Variants in CTNNA3 observed in about 807,000 individuals in gnomAD.
CTNNA3 encodes catenin alpha-3.
In CTNNA3, 76 loss-of-function variants were observed where a neutral mutation model predicts 95.7. That is an observed-to-expected ratio of 0.79 (90% CI 0.66 to 0.96). CTNNA3 has a LOEUF of 0.96. CTNNA3 is among the 40% of genes least tolerant of loss of function. The probability of loss-of-function intolerance (pLI) is 0.00; values close to 1 mark genes in which losing one functional copy is unlikely to be tolerated. For synonymous variants in CTNNA3, 431 were observed against 374.4 expected, an observed-to-expected ratio of 1.15 and a Z score of -1.74; for missense variants, 1,191 against 1,089.8, an observed-to-expected ratio of 1.09 and a Z score of -1.31.
At chr10:66,288,151 A>T (rs2132182320) in intron 12 of CTNNA3, among the ~76,000 whole-genome samples, 1 of 152,236 alleles carries the variant, frequency 6.6e-6, no homozygotes, top group East Asian at 1.9e-4. Flanking sequence ...TTTGTGCAAG[A>T]ATGAAGGAGA....
intron 5 of CTNNA3, among the ~76,000 whole-genome samples, chr10:67,262,073 G>C (rs1335568984): frequency 6.6e-6 from 1 of 151,786 alleles, no homozygotes; most frequent in Non-Finnish European, 1.5e-5. Flanking sequence ...AATATAAATT[G>C]CTCAATCTCA....
chr10:67,071,598 G>GT (rs1261450012), intron 7 of CTNNA3, among the ~76,000 whole-genome samples: 4 of 151,236 alleles, frequency 2.6e-5, no homozygotes, highest in Non-Finnish European at 5.9e-5. Flanking sequence ...TGTTTTTATT[G>GT]TATTTATCCT....
chr10:66,068,146 T>C (rs1371343905), intron 15 of CTNNA3, among the ~76,000 whole-genome samples: 3 of 152,140 alleles, frequency 2.0e-5, no homozygotes, highest in Admixed American at 1.3e-4. Context: ...AAAATACATC[T>C]TATTCTAACT....
chr10:66,684,577 T>C (rs1847181112), intron 9 of CTNNA3, among the ~76,000 whole-genome samples: 1 of 152,148 alleles, frequency 6.6e-6, no homozygotes, highest in Non-Finnish European at 1.5e-5. Context: ...TAATTAACAT[T>C]TAACTGCTTT....
At chr10:67,035,668 T>A (rs1056442406) in intron 7 of CTNNA3, among the ~76,000 whole-genome samples, 1 of 152,292 alleles carries the variant, frequency 6.6e-6, no homozygotes, top group Non-Finnish European at 1.5e-5. Context: ...CCTCCCTCAG[T>A]ACTCAAAATT....
At chr10:66,530,998 G>A (rs989851461) in intron 10 of CTNNA3, among the ~76,000 whole-genome samples, 39 of 152,072 alleles carry the variant, frequency 2.6e-4, no homozygotes, top group African/African-American at 2.4e-5. Context: ...TTTCGGTTAT[G>A]GAAAATGTAA....
chr10:65,927,455 G>A (rs566144683), intron 17 of CTNNA3, among the ~76,000 whole-genome samples: 8 of 152,144 alleles, frequency 5.3e-5, no homozygotes, highest in Non-Finnish European at 1.0e-4. Context: ...TATCAGTCAA[G>A]ATCCTTCCCA....
At chr10:67,232,127 C>G (rs1298016501) in intron 5 of CTNNA3, among the ~76,000 whole-genome samples, 1 of 152,030 alleles carries the variant, frequency 6.6e-6, no homozygotes, top group Non-Finnish European at 1.5e-5. Flanking sequence ...TCTAGCAAGG[C>G]AGGCCAACAT....
chr10:66,466,373 C>CACAA (rs1222364133), intron 11 of CTNNA3, among the ~76,000 whole-genome samples: 1 of 150,734 alleles, frequency 6.6e-6, no homozygotes, highest in Non-Finnish European at 1.5e-5. Context: ...CACACACACA[C>CACAA]AATCTATTGG....
At chr10:66,767,263 T>C (rs957394215) in intron 8 of CTNNA3, among the ~76,000 whole-genome samples, 2 of 151,888 alleles carry the variant, frequency 1.3e-5, no homozygotes, top group Non-Finnish European at 2.9e-5. Context: ...CTGGCCAACA[T>C]GGTAAAACCC....
intron 15 of CTNNA3, among the ~76,000 whole-genome samples, chr10:66,037,253 G>A (rs1414229929): frequency 3.3e-5 from 5 of 152,132 alleles, no homozygotes; most frequent in African/African-American, 4.8e-5. Flanking sequence ...CTGCTTTAGA[G>A]CATTTTGCCC....
chr10:66,131,444 A>G (rs1006482282), intron 13 of CTNNA3, among the ~76,000 whole-genome samples: 1 of 152,212 alleles, frequency 6.6e-6, no homozygotes, highest in African/African-American at 2.4e-5. Context: ...TAATGAAGAA[A>G]ACATTCCATG....
chr10:66,695,916 AG>A lies in CTNNA3; in HGVS notation c.1281+70347del, dbSNP rs34200783. 2.0e-4 allele frequency among the ~76,000 whole-genome samples: 24 copies of A among 119,362 alleles called. No individual in the cohort carries two copies. In the East Asian group the frequency reaches 2.3e-3, roughly 11 times the overall value. The allele number at this position is 119,362 out of a possible 152,430, so 78.3% of individuals were successfully genotyped here. A position where few individuals can be genotyped will look rare whatever the true frequency, so the allele number is the denominator to read the frequency against. On this transcript the variant is annotated intron_variant, in intron 9 of 17. Coordinates refer to ENST00000433211, the MANE Select transcript of CTNNA3 (RefSeq NM_013266.4). ...CTAAAAATTGGGTGAAAGAGACGTAAGGGGGGGGGGCAATAAAAATGTATTT... is the reference window on the plus strand; with the variant it reads ...CTAAAAATTGGGTGAAAGAGACGTAAGGGGGGGGGCAATAAAAATGTATTT...
intron 6 of CTNNA3, among the ~76,000 whole-genome samples, chr10:67,183,970 G>A (rs1862710847): frequency 6.6e-6 from 1 of 151,964 alleles, no homozygotes; most frequent in African/African-American, 2.4e-5. Flanking sequence ...GAAACAAAAA[G>A]GAGTCAGAAG....
chr10:66,750,016 T>C (rs1839068380), intron 9 of CTNNA3, among the ~76,000 whole-genome samples: 1 of 152,204 alleles, frequency 6.6e-6, no homozygotes, highest in African/African-American at 2.4e-5. Flanking sequence ...ATATCTTCTT[T>C]GGTTAGAGAT....
At chr10:66,225,012 C>CA (rs1186067910) in intron 13 of CTNNA3, among the ~76,000 whole-genome samples, 2 of 151,948 alleles carry the variant, frequency 1.3e-5, no homozygotes, top group Non-Finnish European at 2.9e-5. Context: ...TTTATGACCT[C>CA]AAAAATTTAT....
intron 5 of CTNNA3, among the ~76,000 whole-genome samples, chr10:67,497,129 G>A (rs1284608783): frequency 6.6e-6 from 1 of 151,940 alleles, no homozygotes; most frequent in South Asian, 2.1e-4. Flanking sequence ...TCCCCTCCCT[G>A]TGCCCATGTA....
intron 12 of CTNNA3, among the ~76,000 whole-genome samples, chr10:66,288,408 A>T (rs1179248078): frequency 1.3e-5 from 2 of 152,042 alleles, no homozygotes; most frequent in Non-Finnish European, 2.9e-5. Flanking sequence ...GGGAGAGGAA[A>T]CCTAACACCA....
At chr10:67,359,820 A>T (rs1163017133) in intron 5 of CTNNA3, among the ~76,000 whole-genome samples, 1 of 152,130 alleles carries the variant, frequency 6.6e-6, no homozygotes, top group South Asian at 2.1e-4. Context: ...TCACTAGAGA[A>T]GTCAACATGC....
Sources: gnomAD v4.1 joint callset for allele counts (sites outside exome capture counted in the v4.1 genomes callset) on GRCh38, gnomAD v4.1.1 for gene constraint, MANE v1.5 for transcripts, NCBI Gene and HGNC (gene_info 2026-07-23, HGNC 2026-07-21) for gene names.